Variants in PLCL2 observed in about 807,000 individuals in gnomAD.
PLCL2 encodes the protein inactive phospholipase C-like protein 2.
In PLCL2, 4 loss-of-function variants were observed where a neutral mutation model predicts 79.6. That is an observed-to-expected ratio of 0.05 (90% CI 0.02 to 0.11). PLCL2 has a LOEUF of 0.11. Ranked by LOEUF, PLCL2 falls within the 10% of genes least tolerant of loss-of-function variation. The pLI, the probability that PLCL2 is intolerant of heterozygous loss-of-function variation, is 1.00. For missense variants in PLCL2, 895 were observed against 1,291.0 expected, an observed-to-expected ratio of 0.69 and a Z score of 4.70; for synonymous variants, 484 against 457.7, an observed-to-expected ratio of 1.06 and a Z score of -0.73.
intron 1 of PLCL2, among the ~76,000 whole-genome samples, chr3:16,978,971 GTAA>G (rs1234860079): frequency 6.6e-6 from 1 of 152,194 alleles, no homozygotes; most frequent in Non-Finnish European, 1.5e-5. Context: ...TTAAGAAAAG[GTAA>G]TTCTAAGGAA....
At chr3:17,078,290 T>G (rs1328710572) in intron 5 of PLCL2, among the ~76,000 whole-genome samples, 5 of 152,160 alleles carry the variant, frequency 3.3e-5, no homozygotes, top group African/African-American at 1.2e-4. Context: ...TCATTTCTCG[T>G]GATTCTTGGG....
At chr3:16,971,194 A>C (rs533341974) in intron 1 of PLCL2, among the ~76,000 whole-genome samples, 5 of 151,612 alleles carry the variant, frequency 3.3e-5, no homozygotes, top group African/African-American at 1.2e-4. Flanking sequence ...TTATGGTTTT[A>C]GGTCTAATGT....
chr3:17,016,587 C>G (rs1158975078), intron 3 of PLCL2, among the ~76,000 whole-genome samples: 1 of 152,156 alleles, frequency 6.6e-6, no homozygotes, highest in East Asian at 1.9e-4. Context: ...ATCAAGTCCA[C>G]CAGGAGAGAA....
At chr3:17,085,838 T>C (rs1186096706) in intron 5 of PLCL2, among the ~76,000 whole-genome samples, 3 of 152,204 alleles carry the variant, frequency 2.0e-5, no homozygotes, top group Non-Finnish European at 4.4e-5. Flanking sequence ...AGAAATAAAA[T>C]ATTCAGGTAT....
At chr3:16,956,091 ATGCCTGTCTTGTGCCAGT>A (rs1273582787) in intron 1 of PLCL2, among the ~76,000 whole-genome samples, 2 of 152,184 alleles carry the variant, frequency 1.3e-5, no homozygotes, top group African/African-American at 4.8e-5. Flanking sequence ...GAGAGAGGGC[ATGCCTGTCTTGTGCCAGT>A]TTTCAAAGGG....
chr3:17,036,745 T>C (rs2064660815), intron 3 of PLCL2, among the ~76,000 whole-genome samples: 1 of 152,198 alleles, frequency 6.6e-6, no homozygotes, highest in African/African-American at 2.4e-5. Flanking sequence ...TTTGTGTTGT[T>C]GAAACAGAAT....
chr3:16,896,806 G>A (rs767219871), intron 1 of PLCL2, among the ~76,000 whole-genome samples: 2 of 152,156 alleles, frequency 1.3e-5, no homozygotes, highest in Non-Finnish European at 2.9e-5. Flanking sequence ...AGGAAAGGAC[G>A]AAGGGGAAAT....
At chr3:16,954,858 A>G (rs1053373359) in intron 1 of PLCL2, among the ~76,000 whole-genome samples, 4 of 152,086 alleles carry the variant, frequency 2.6e-5, no homozygotes, top group African/African-American at 7.2e-5. Flanking sequence ...TCCTTTGCCC[A>G]CTTTTTGATG....
At chr3:17,052,954 A>G (rs1324374806) in intron 4 of PLCL2, among the ~76,000 whole-genome samples, 1 of 152,200 alleles carries the variant, frequency 6.6e-6, no homozygotes. Flanking sequence ...GTAGGCTATT[A>G]TTAGTAAACT....
Position 17,082,489 on chromosome 3 carries a change from T to C in PLCL2, c.3205-7244T>C, listed in dbSNP as rs191084418. ...CCTCCAAGACATCTTAAACATGTAGTCTTAGACACATAGAACAAAATGAAA... is the reference window on the plus strand; with the variant it reads ...CCTCCAAGACATCTTAAACATGTAGCCTTAGACACATAGAACAAAATGAAA... On this transcript the variant is annotated intron_variant, in intron 5 of 5. Coordinates refer to ENST00000615277, the MANE Select transcript of PLCL2 (RefSeq NM_001144382.2). Among the ~76,000 whole-genome samples, 115 of 152,202 alleles carry C rather than the reference T, an allele frequency of 7.6e-4. 1 individual carries two copies. Among genetic ancestry groups the C allele is most frequent in the African/African-American group, 2.6e-3 (110 of 41,520 alleles).
At chr3:16,976,835 G>A (rs1048691770) in intron 1 of PLCL2, among the ~76,000 whole-genome samples, 3 of 152,122 alleles carry the variant, frequency 2.0e-5, no homozygotes, top group African/African-American at 7.2e-5. Context: ...CACTAGGGTG[G>A]CATTTGGGTG....
At chr3:16,972,014 T>C (rs951367051) in intron 1 of PLCL2, among the ~76,000 whole-genome samples, 31 of 151,994 alleles carry the variant, frequency 2.0e-4, no homozygotes, top group Admixed American at 3.3e-4. Context: ...AAATTAGGTA[T>C]TGATGGGACG....
At chr3:17,081,351 A>G in intron 5 of PLCL2, 1 of 431,530 alleles carries the variant, frequency 2.3e-6, no homozygotes, top group Non-Finnish European at 4.7e-6. Context: ...TCAACATCCA[A>G]GCATGTGGCC....
chr3:16,899,235 A>G (rs1346792162), intron 1 of PLCL2, among the ~76,000 whole-genome samples: 1 of 152,230 alleles, frequency 6.6e-6, no homozygotes, highest in Admixed American at 6.5e-5. Flanking sequence ...CTTAGCCTGT[A>G]TATGGATGGA....
chr3:16,917,465 T>C (rs2124932170), intron 1 of PLCL2, among the ~76,000 whole-genome samples: 1 of 152,300 alleles, frequency 6.6e-6, no homozygotes, highest in Non-Finnish European at 1.5e-5. Flanking sequence ...TTGTCTCTGC[T>C]CTCTGATGTC....
chr3:16,888,662 T>C (rs540211000), intron 1 of PLCL2, among the ~76,000 whole-genome samples: 1 of 152,354 alleles, frequency 6.6e-6, no homozygotes, highest in East Asian at 1.9e-4. Context: ...TTTGAAACAG[T>C]TAATTTGGTT....
intron 1 of PLCL2, among the ~76,000 whole-genome samples, chr3:16,963,021 T>C (rs2063770658): frequency 6.6e-6 from 1 of 152,094 alleles, no homozygotes; most frequent in Non-Finnish European, 1.5e-5. Flanking sequence ...GTATATTGGG[T>C]AGATGTAGCT....
chr3:16,924,778 T>G (rs1207841314), intron 1 of PLCL2, among the ~76,000 whole-genome samples: 1 of 152,212 alleles, frequency 6.6e-6, no homozygotes, highest in East Asian at 1.9e-4. Context: ...CCAGCATTGT[T>G]CAGTATAAGT....
intron 1 of PLCL2, among the ~76,000 whole-genome samples, chr3:16,996,458 G>A (rs903374587): frequency 5.3e-5 from 8 of 152,140 alleles, no homozygotes; most frequent in Admixed American, 1.3e-4. Flanking sequence ...GATAATACTC[G>A]TGTTATAGGA....
Sources: gnomAD v4.1 joint callset for allele counts (sites outside exome capture counted in the v4.1 genomes callset) on GRCh38, gnomAD v4.1.1 for gene constraint, MANE v1.5 for transcripts, NCBI Gene and HGNC (gene_info 2026-07-23, HGNC 2026-07-21) for gene names.